Variants in CNTLN observed in about 807,000 individuals in gnomAD.
CNTLN encodes centlein.
A neutral mutation model predicts 180.0 loss-of-function variants in CNTLN; 212 were observed. The ratio of observed to expected loss-of-function variants is 1.18; its 90% CI spans 1.05 to 1.32. The LOEUF (loss-of-function observed/expected upper bound fraction) is 1.32, where lower values mean the gene tolerates loss of function less well. Among genes scored for constraint, CNTLN ranks in the 40% most tolerant of loss-of-function variants. The pLI is 0.00. For missense variants in CNTLN, 2,095 were observed against 1,610.9 expected (o/e 1.30, Z -5.14); for synonymous variants, 722 against 563.1 (o/e 1.28, Z -3.99).
intron 8 of CNTLN, among the ~76,000 whole-genome samples, chr9:17,321,205 G>C (rs1215727718): frequency 6.6e-6 from 1 of 152,038 alleles, no homozygotes; most frequent in African/African-American, 2.4e-5. Flanking sequence ...TACAATATTC[G>C]TCACAGTATA....
At chr9:17,347,485 A>G (rs1342652265) in intron 12 of CNTLN, among the ~76,000 whole-genome samples, 1 of 152,124 alleles carries the variant, frequency 6.6e-6, no homozygotes, top group Non-Finnish European at 1.5e-5. Context: ...CCTGGACAAC[A>G]TGGTGAAACC....
intron 2 of CNTLN, among the ~76,000 whole-genome samples, chr9:17,214,404 G>A (rs1329235163): frequency 6.6e-6 from 1 of 152,260 alleles, no homozygotes; most frequent in Non-Finnish European, 1.5e-5. Flanking sequence ...CTGGCTTGCA[G>A]AGTTTCTGCC....
At chr9:17,347,132 G>C (rs1209983749) in intron 12 of CNTLN, among the ~76,000 whole-genome samples, 1 of 152,086 alleles carries the variant, frequency 6.6e-6, no homozygotes, top group Non-Finnish European at 1.5e-5. Context: ...GTGTTCTTTA[G>C]TGGTTCACTG....
intron 2 of CNTLN, among the ~76,000 whole-genome samples, chr9:17,143,661 G>C (rs1016622438): frequency 3.3e-5 from 5 of 152,090 alleles, no homozygotes; most frequent in African/African-American, 9.7e-5. Flanking sequence ...AGCTGTTACA[G>C]TTCAACCTTA....
At chr9:17,488,071 T>C (rs1316294241) in intron 25 of CNTLN, among the ~76,000 whole-genome samples, 1 of 152,172 alleles carries the variant, frequency 6.6e-6, no homozygotes, top group African/African-American at 2.4e-5. Flanking sequence ...TGTGTAAAGA[T>C]TAAAAATAGA....
At chr9:17,407,045 T>C (rs1429822881) in intron 15 of CNTLN, among the ~76,000 whole-genome samples, 1 of 152,226 alleles carries the variant, frequency 6.6e-6, no homozygotes, top group African/African-American at 2.4e-5. Context: ...TAAACAATTA[T>C]AGTAGAACAC....
At chr9:17,276,926 T>TA (rs1828348533) in intron 6 of CNTLN, among the ~76,000 whole-genome samples, 1 of 152,216 alleles carries the variant, frequency 6.6e-6, no homozygotes, top group Non-Finnish European at 1.5e-5. Flanking sequence ...AAACCACAGA[T>TA]ATGGAAGTCC....
At chr9:17,316,234 C>A (rs187974123) in intron 8 of CNTLN, among the ~76,000 whole-genome samples, 2 of 151,950 alleles carry the variant, frequency 1.3e-5, no homozygotes, top group Admixed American at 1.3e-4. Context: ...TCTATTTTGT[C>A]TGATATTAAT....
At chr9:17,253,336 G>A (rs1040704215) in intron 5 of CNTLN, among the ~76,000 whole-genome samples, 4 of 151,502 alleles carry the variant, frequency 2.6e-5, no homozygotes, top group Admixed American at 6.6e-5. Context: ...AGATTGCATT[G>A]AATCTAGATT....
chr9:17,316,091 G>T (rs549772531), intron 8 of CNTLN, among the ~76,000 whole-genome samples: 1 of 151,222 alleles, frequency 6.6e-6, no homozygotes, highest in Non-Finnish European at 1.5e-5. Context: ...ATTCTATCAG[G>T]TTTTGCTTCA....
At chr9:17,318,721 A>G (rs893960368) in intron 8 of CNTLN, among the ~76,000 whole-genome samples, 1 of 152,142 alleles carries the variant, frequency 6.6e-6, no homozygotes, top group African/African-American at 2.4e-5. Context: ...GGGAAGTAGT[A>G]ATGAAGAGAA....
intron 18 of CNTLN, among the ~76,000 whole-genome samples, chr9:17,449,624 C>T (rs959088402): frequency 1.3e-5 from 2 of 152,234 alleles, no homozygotes; most frequent in East Asian, 1.9e-4. Context: ...CCCGTGAATA[C>T]TTGAAAGTCA....
chr9:17,284,970 G>A (rs964120386), intron 6 of CNTLN, among the ~76,000 whole-genome samples: 8 of 149,888 alleles, frequency 5.3e-5, no homozygotes, highest in African/African-American at 2.0e-4. Context: ...TGTTATCATT[G>A]GTTTCAAAGA....
intron 7 of CNTLN, chr9:17,301,648 G>C: frequency 1.0e-6 from 1 of 975,214 alleles, no homozygotes; most frequent in Non-Finnish European, 1.2e-6. Context: ...TGTTTTAGAT[G>C]CTTGTAGTTG....
At chr9:17,278,962 C>T (rs145192720) in intron 6 of CNTLN, among the ~76,000 whole-genome samples, 6 of 151,652 alleles carry the variant, frequency 4.0e-5, no homozygotes. Context: ...TATAATGAAA[C>T]AATAAGGCTC....
intron 15 of CNTLN, among the ~76,000 whole-genome samples, chr9:17,401,867 G>T (rs1302367728): frequency 6.6e-6 from 1 of 151,704 alleles, no homozygotes; most frequent in Non-Finnish European, 1.5e-5. Flanking sequence ...AGAGTTAAAA[G>T]TCAAATGACT....
Position 17,330,769 on chromosome 9 carries a change from C to T in CNTLN, c.1479C>T (p.Ser493=). ...ACATATCTGCCAACAAGGGTTTCTC[C>T]CGAAAGAGCATCATGACAAGTGCTG... The part of the protein sequence containing the change: ...SENISANKGF[S]RKSIMTSAEG... The change falls in exon 9 of 26, where the codon TCC becomes TCT. Residue 493 remains serine, a synonymous_variant. Transcript: ENST00000380647. 1 of 1,609,506 alleles carries T rather than the reference C, an allele frequency of 6.2e-7. No individual in the cohort carries two copies. The highest frequency in any genetic ancestry group is 8.5e-7 in the Non-Finnish European group (1 of 1,177,740).
At chr9:17,160,200 A>C (rs1819585048) in intron 2 of CNTLN, among the ~76,000 whole-genome samples, 1 of 152,160 alleles carries the variant, frequency 6.6e-6, no homozygotes, top group South Asian at 2.1e-4. Flanking sequence ...ATCCTGAAGT[A>C]GTTTTCACTT....
At chr9:17,184,444 GTTA>G (rs1324842681) in intron 2 of CNTLN, among the ~76,000 whole-genome samples, 1 of 152,012 alleles carries the variant, frequency 6.6e-6, no homozygotes, top group Non-Finnish European at 1.5e-5. Context: ...AAAATCATAC[GTTA>G]TGCATAAGAT....
Sources: allele counts gnomAD v4.1 joint callset (sites outside exome capture counted in the v4.1 genomes callset), GRCh38; gene constraint gnomAD v4.1.1; transcripts MANE v1.5; gene names NCBI Gene and HGNC (gene_info 2026-07-23, HGNC 2026-07-21).